Variants in FHL2 observed in about 807,000 individuals in gnomAD.
FHL2 encodes four and a half LIM domains protein 2.
In FHL2, 20 loss-of-function variants were observed where a neutral mutation model predicts 32.7. The observed-to-expected ratio is 0.61, with a 90% CI of 0.43 to 0.89. The LOEUF (loss-of-function observed/expected upper bound fraction) is 0.89, where lower values mean the gene tolerates loss of function less well. Ranked by LOEUF, FHL2 falls within the 40% of genes least tolerant of loss-of-function variation. The pLI, the probability that FHL2 is intolerant of heterozygous loss-of-function variation, is 0.00. For missense variants in FHL2, 311 were observed against 358.6 expected, an observed-to-expected ratio of 0.87 and a Z score of 1.07; for synonymous variants, 123 against 128.1, an observed-to-expected ratio of 0.96 and a Z score of 0.27.
downstream of FHL2, chr2:105,358,277 G>A (rs1196825008): frequency 6.6e-6 from 1 of 152,244 alleles, no homozygotes; most frequent in Non-Finnish European, 1.5e-5. Flanking sequence ...CTCAGAGCCT[G>A]GATCTCCTCT....
chr2:105,415,535 T>G (rs1252869040), intron 1 of FHL2, among the ~76,000 whole-genome samples: 1 of 152,280 alleles, frequency 6.6e-6, no homozygotes, highest in South Asian at 2.1e-4. Flanking sequence ...GTTTAAATAA[T>G]GTCTTTAAAC....
At chr2:105,397,515 C>G (rs759418437) in intron 1 of FHL2, among the ~76,000 whole-genome samples, 3 of 152,108 alleles carry the variant, frequency 2.0e-5, no homozygotes, top group African/African-American at 7.2e-5. Context: ...ATGCAGTCCC[C>G]GGCATCCCCT....
intron 1 of FHL2, among the ~76,000 whole-genome samples, chr2:105,422,434 G>A (rs1328046545): frequency 1.3e-5 from 2 of 152,020 alleles, no homozygotes; most frequent in Non-Finnish European, 2.9e-5. Flanking sequence ...AACTGTGATG[G>A]GAATAGTGGA....
At chr2:105,414,583 C>G (rs1167839755) in intron 1 of FHL2, among the ~76,000 whole-genome samples, 1 of 152,138 alleles carries the variant, frequency 6.6e-6, no homozygotes, top group Admixed American at 6.5e-5. Context: ...GACAGAGTCT[C>G]GCTCTGTCGC....
intron 2 of FHL2, among the ~76,000 whole-genome samples, chr2:105,387,342 G>A (rs1276134850): frequency 6.6e-6 from 1 of 152,184 alleles, no homozygotes; most frequent in Admixed American, 6.5e-5. Flanking sequence ...TCTGACCTGG[G>A]AAACCTGAGA....
intron 2 of FHL2, among the ~76,000 whole-genome samples, chr2:105,388,668 CAAA>C (rs34817426): frequency 7.7e-6 from 1 of 129,772 alleles, no homozygotes; most frequent in African/African-American, 2.9e-5. Flanking sequence ...ACTAAAAATA[CAAA>C]AAAAAAAAAA....
chr2:105,421,746 G>A (rs1470752473), intron 1 of FHL2, among the ~76,000 whole-genome samples: 2 of 152,170 alleles, frequency 1.3e-5, no homozygotes, highest in East Asian at 3.8e-4. Context: ...AGGTATCCCA[G>A]CCTCATGACA....
upstream of FHL2, among the ~76,000 whole-genome samples, chr2:105,402,870 A>G (rs1190009095): frequency 6.6e-6 from 1 of 152,248 alleles, no homozygotes; most frequent in African/African-American, 2.4e-5. Context: ...TGTATTGAAT[A>G]AGTGACAGAT....
chr2:105,384,506 G>A (rs887241483), intron 3 of FHL2, among the ~76,000 whole-genome samples: 2 of 151,684 alleles, frequency 1.3e-5, no homozygotes, highest in African/African-American at 4.8e-5. Context: ...GTTCTCCCCA[G>A]TTTTTTTTGG....
intron 2 of FHL2, among the ~76,000 whole-genome samples, chr2:105,394,148 T>G (rs1237441789): frequency 6.6e-6 from 1 of 152,152 alleles, no homozygotes; most frequent in African/African-American, 2.4e-5. Flanking sequence ...GATGGGAGTA[T>G]CTACACACAA....
intron 3 of FHL2, chr2:105,378,151 C>T (rs1156358368): frequency 2.1e-6 from 1 of 471,190 alleles, no homozygotes; most frequent in Non-Finnish European, 4.4e-6. Context: ...CTAAGACATG[C>T]ACATGGGTCC....
intron 5 of FHL2, among the ~76,000 whole-genome samples, chr2:105,366,332 T>C (rs1680633448): frequency 6.6e-6 from 1 of 152,114 alleles, no homozygotes; most frequent in South Asian, 2.1e-4. Flanking sequence ...CAGGTACAGG[T>C]AGCAGCATTG....
At chr2:105,365,942 C>T (rs148953387) in intron 5 of FHL2, among the ~76,000 whole-genome samples, 6,678 of 152,068 alleles carry the variant, frequency 0.044, 504 homozygotes, top group African/African-American at 0.15. Context: ...TGGTGGCTCA[C>T]GCCTGTAATC....
intron 4 of FHL2, among the ~76,000 whole-genome samples, chr2:105,371,645 CAG>C (rs1308421235): frequency 6.6e-6 from 1 of 151,906 alleles, no homozygotes; most frequent in Non-Finnish European, 1.5e-5. Context: ...GTGACTAACA[CAG>C]AAAGTCAAGA....
chr2:105,370,426 GA>G (rs1205658200), intron 4 of FHL2, among the ~76,000 whole-genome samples: 1 of 152,080 alleles, frequency 6.6e-6, no homozygotes, highest in African/African-American at 2.4e-5. Flanking sequence ...CAGGGTTGGA[GA>G]CAGAATCGCT....
intron 5 of FHL2, among the ~76,000 whole-genome samples, chr2:105,364,977 A>G (rs899952390): frequency 3.3e-5 from 5 of 152,174 alleles, no homozygotes; most frequent in African/African-American, 9.7e-5. Flanking sequence ...ATGAACACCA[A>G]ACACGCTTGG....
intron 1 of FHL2, among the ~76,000 whole-genome samples, chr2:105,422,451 A>G (rs1320733822): frequency 2.0e-5 from 3 of 152,192 alleles, no homozygotes; most frequent in Non-Finnish European, 4.4e-5. Flanking sequence ...TGGATCACAT[A>G]TAAGAGAAAT....
chr2:105,360,321 G>A (rs1413349543), downstream of FHL2: 9 of 149,676 alleles, frequency 6.0e-5, no homozygotes, highest in African/African-American at 2.2e-4. Flanking sequence ...AAAAAAAAAG[G>A]GAGAGAAGGT....
upstream of FHL2, among the ~76,000 whole-genome samples, chr2:105,402,173 GTATCTGTATGTA>G (rs1182479434): frequency 5.4e-5 from 8 of 148,344 alleles, no homozygotes; most frequent in African/African-American, 1.7e-4. Flanking sequence ...ATGTATATAT[GTATCTGTATGTA>G]TATATGTATA....
Sources: gnomAD v4.1 joint callset for allele counts (sites outside exome capture counted in the v4.1 genomes callset) on GRCh38, gnomAD v4.1.1 for gene constraint, MANE v1.5 for transcripts, NCBI Gene and HGNC (gene_info 2026-07-23, HGNC 2026-07-21) for gene names.